Variants in SPTBN1 observed in about 807,000 individuals in gnomAD.
SPTBN1 encodes spectrin beta chain, non-erythrocytic 1.
SPTBN1 carries 32 observed loss-of-function variants against 266.4 expected under a neutral mutation model. That is an observed-to-expected ratio of 0.12 (90% CI 0.09 to 0.16). The LOEUF (loss-of-function observed/expected upper bound fraction) is 0.16. Among genes scored for constraint, SPTBN1 ranks in the 10% least tolerant of loss-of-function variants. The probability of loss-of-function intolerance (pLI) is 1.00; values close to 1 mark genes in which losing one functional copy is unlikely to be tolerated. For synonymous variants in SPTBN1, 1,336 were observed against 1,162.2 expected, an observed-to-expected ratio of 1.15 and a Z score of -3.04; for missense variants, 2,296 against 3,067.1, an observed-to-expected ratio of 0.75 and a Z score of 5.94.
At chr2:54,468,012 A>T (rs1693724955) in intron 1 of SPTBN1, among the ~76,000 whole-genome samples, 1 of 151,996 alleles carries the variant, frequency 6.6e-6, no homozygotes, top group South Asian at 2.1e-4. Flanking sequence ...TACAGTTAAT[A>T]TTTTAGTGTT....
chr2:54,541,249 C>T (rs78468054), intron 2 of SPTBN1, among the ~76,000 whole-genome samples: 2 of 152,324 alleles, frequency 1.3e-5, no homozygotes, highest in Non-Finnish European at 2.9e-5. Context: ...ACTTTTATGC[C>T]TAGAACTGCA....
chr2:54,483,859 T>C (rs1342140351), intron 1 of SPTBN1, among the ~76,000 whole-genome samples: 1 of 152,214 alleles, frequency 6.6e-6, no homozygotes, highest in Non-Finnish European at 1.5e-5. Flanking sequence ...CTTGCTTTGT[T>C]CCGCTGGTCA....
chr2:54,512,299 C>A (rs907064676), intron 1 of SPTBN1, among the ~76,000 whole-genome samples: 1 of 152,054 alleles, frequency 6.6e-6, no homozygotes, highest in Non-Finnish European at 1.5e-5. Flanking sequence ...TATCATAGGC[C>A]AATCTTTACT....
chr2:54,614,133 T>C (rs1316710189), intron 4 of SPTBN1, among the ~76,000 whole-genome samples: 1 of 152,230 alleles, frequency 6.6e-6, no homozygotes, highest in African/African-American at 2.4e-5. Flanking sequence ...CTGCTGATGT[T>C]ACCGCGTGGC....
At chr2:54,573,463 A>G (rs1674229921) in intron 2 of SPTBN1, among the ~76,000 whole-genome samples, 1 of 152,142 alleles carries the variant, frequency 6.6e-6, no homozygotes, top group Non-Finnish European at 1.5e-5. Flanking sequence ...AATGCTTCCC[A>G]TCCACCACTC....
At chr2:54,598,058 T>A (rs143571715) in intron 2 of SPTBN1, among the ~76,000 whole-genome samples, 28 of 152,266 alleles carry the variant, frequency 1.8e-4, no homozygotes, top group Non-Finnish European at 3.4e-4. Flanking sequence ...GGATGTCTGT[T>A]GAAGGTCTTC....
At position 54,645,951 on chromosome 2, in the gene SPTBN1, TTTGG is replaced by T; in HGVS notation, c.4519_4522del (p.Leu1507GlnfsTer16). The T allele has an allele frequency of 6.2e-7, 1 of 1,614,218 alleles. No individual in the cohort carries two copies. The highest frequency in any genetic ancestry group is 8.5e-7 in the Non-Finnish European group (1 of 1,180,046). On this transcript the variant is annotated frameshift_variant, in exon 22 of 36. Coordinates refer to ENST00000356805, the MANE Select transcript of SPTBN1 (RefSeq NM_003128.3). LOFTEE classifies it high-confidence loss of function. The surrounding 1 kb of genome is among the most constrained non-coding windows in gnomAD (Gnocchi z 4.3). ...AGTTGTGGGTTGGAGAGAGGATGCC[TTTGG>T]CAACTTCCACGGATCATGGCCACAA...
chr2:54,507,166 A>T (rs1573296482), intron 1 of SPTBN1, among the ~76,000 whole-genome samples: 1 of 152,094 alleles, frequency 6.6e-6, no homozygotes, highest in East Asian at 1.9e-4. Flanking sequence ...ACAAATCACA[A>T]TGGTGGAATG....
intron 2 of SPTBN1, among the ~76,000 whole-genome samples, chr2:54,580,036 T>C (rs1459254240): frequency 1.3e-5 from 2 of 152,194 alleles, no homozygotes; most frequent in Non-Finnish European, 2.9e-5. Context: ...CAGGGGAATA[T>C]TTTCATTTAC....
chr2:54,470,045 G>A (rs1296844338), intron 1 of SPTBN1, among the ~76,000 whole-genome samples: 6 of 152,206 alleles, frequency 3.9e-5, no homozygotes, highest in African/African-American at 1.4e-4. Flanking sequence ...AGGAAATCCC[G>A]AGTTTCCCTG....
chr2:54,457,081 A>T (rs1218636907), intron 1 of SPTBN1, among the ~76,000 whole-genome samples: 1 of 150,066 alleles, frequency 6.7e-6, no homozygotes, highest in Admixed American at 6.6e-5. Context: ...GCCGCGCTGC[A>T]GCTGAGCCGG....
At chr2:54,487,170 C>CTTTTTTTTTTTTTTT (rs34779689) in intron 1 of SPTBN1, among the ~76,000 whole-genome samples, 1 of 98,588 alleles carries the variant, frequency 1.0e-5, no homozygotes, top group African/African-American at 4.3e-5. Flanking sequence ...ATTAGGATTT[C>CTTTTTTTTTTTTTTT]TTTTTTTTTT....
chr2:54,479,439 T>G (rs988174020), intron 1 of SPTBN1, among the ~76,000 whole-genome samples: 1 of 152,240 alleles, frequency 6.6e-6, no homozygotes, highest in Non-Finnish European at 1.5e-5. Context: ...ACTGCCTGGT[T>G]GGAACCCTGC....
At chr2:54,460,571 C>CT (rs1292748651) in intron 1 of SPTBN1, among the ~76,000 whole-genome samples, 1 of 152,228 alleles carries the variant, frequency 6.6e-6, no homozygotes, top group East Asian at 1.9e-4. Flanking sequence ...TCTCTGCTCC[C>CT]TCTGCTCTGG....
chr2:54,655,311 TAC>T, intron 28 of SPTBN1, 103 bp downstream of exon 28: 22 of 1,407,710 alleles, frequency 1.6e-5, no homozygotes, highest in East Asian at 2.3e-5. Context: ...TACATTCTTA[TAC>T]ACACACACAT....
At chr2:54,662,041 A>T in intron 32 of SPTBN1, 1 of 985,440 alleles carries the variant, frequency 1.0e-6, no homozygotes, top group African/African-American at 1.7e-5. Flanking sequence ...TTGAATACCA[A>T]TCAGGTGTTT....
At chr2:54,462,232 G>A (rs1025168987) in intron 1 of SPTBN1, among the ~76,000 whole-genome samples, 2 of 152,208 alleles carry the variant, frequency 1.3e-5, no homozygotes, top group African/African-American at 4.8e-5. Context: ...GACTGCCTAA[G>A]CACTATGACC....
chr2:54,605,876 A>C (rs1179845789), intron 3 of SPTBN1, among the ~76,000 whole-genome samples: 2 of 152,172 alleles, frequency 1.3e-5, no homozygotes, highest in Non-Finnish European at 2.9e-5. Context: ...TCTGGAATGA[A>C]CCATCCCTTA....
chr2:54,568,711 T>G (rs941221365), intron 2 of SPTBN1, among the ~76,000 whole-genome samples: 1 of 152,234 alleles, frequency 6.6e-6, no homozygotes, highest in Non-Finnish European at 1.5e-5. Flanking sequence ...CCCATTGATA[T>G]TAATGGAGAA....
Sources: allele counts gnomAD v4.1 joint callset (sites outside exome capture counted in the v4.1 genomes callset), GRCh38; gene constraint gnomAD v4.1.1; non-coding constraint Gnocchi (gnomAD v3.1); transcripts MANE v1.5; gene names NCBI Gene and HGNC (gene_info 2026-07-23, HGNC 2026-07-21).